Variants in CDH12 observed in about 807,000 individuals in gnomAD.
The protein encoded by CDH12 is cadherin-12.
In CDH12, 41 loss-of-function variants were observed where a neutral mutation model predicts 74.1. The ratio of observed to expected loss-of-function variants is 0.55; its 90% confidence interval spans 0.43 to 0.72. The LOEUF (loss-of-function observed/expected upper bound fraction) is 0.72, where lower values mean the gene tolerates loss of function less well. Among genes scored for constraint, CDH12 ranks in the 30% least tolerant of loss-of-function variants. The pLI, the probability that CDH12 is intolerant of heterozygous loss-of-function variation, is 0.00. For synonymous variants in CDH12, 399 were observed against 355.0 expected (o/e 1.12, Z -1.39); for missense variants, 945 against 977.2 (o/e 0.97, Z 0.44).
intron 5 of CDH12, among the ~76,000 whole-genome samples, chr5:22,022,741 T>C (rs1310832991): frequency 1.3e-5 from 2 of 152,180 alleles, no homozygotes; most frequent in African/African-American, 4.8e-5. Context: ...CTATATAACT[T>C]TGATTTAATT....
chr5:22,017,445 C>T (rs557499334), intron 5 of CDH12, among the ~76,000 whole-genome samples: 177 of 152,230 alleles, frequency 1.2e-3, no homozygotes, highest in African/African-American at 4.2e-3. Flanking sequence ...AATCCAGCTG[C>T]TAAGGGAATT....
At chr5:22,312,380 C>T (rs1012909838) in intron 3 of CDH12, among the ~76,000 whole-genome samples, 2 of 152,072 alleles carry the variant, frequency 1.3e-5, no homozygotes, top group African/African-American at 4.8e-5. Context: ...TTAGATAACT[C>T]TCGAAAAATG....
At chr5:21,942,345 TATAC>T (rs762318626) in intron 6 of CDH12, among the ~76,000 whole-genome samples, 1,438 of 99,032 alleles carry the variant, frequency 0.015, 13 homozygotes, top group East Asian at 0.049. Context: ...TATATATATA[TATAC>T]ACACACACAC....
At chr5:22,207,467 G>A (rs1378188534) in intron 4 of CDH12, among the ~76,000 whole-genome samples, 2 of 152,122 alleles carry the variant, frequency 1.3e-5, no homozygotes, top group African/African-American at 4.8e-5. Context: ...AGCTGTGGCT[G>A]TATTCCAACC....
At chr5:22,756,098 GAAAAAAAAA>G (rs60067455) in intron 1 of CDH12, among the ~76,000 whole-genome samples, 1 of 87,338 alleles carries the variant, frequency 1.1e-5, no homozygotes, top group Non-Finnish European at 2.2e-5. Context: ...TTCAAGGACC[GAAAAAAAAA>G]AAAAAAAAAA....
intron 1 of CDH12, among the ~76,000 whole-genome samples, chr5:22,529,178 TATATATATATAGAGAG>T (rs1347644425): frequency 2.4e-5 from 2 of 81,746 alleles, no homozygotes; most frequent in Non-Finnish European, 4.9e-5. Context: ...TATATATATA[TATATATATATAGAGAG>T]AGAGAGAGAG....
intron 2 of CDH12, among the ~76,000 whole-genome samples, chr5:22,485,056 A>G (rs1186945753): frequency 6.6e-6 from 1 of 152,208 alleles, no homozygotes; most frequent in Non-Finnish European, 1.5e-5. Context: ...GAAAATTTCT[A>G]TGTACTTCTA....
chr5:21,857,288 G>C (rs1214591087), intron 6 of CDH12, among the ~76,000 whole-genome samples: 1 of 151,814 alleles, frequency 6.6e-6, no homozygotes, highest in East Asian at 1.9e-4. Flanking sequence ...CTGGTATGTA[G>C]CAGTGAGCTT....
At chr5:22,691,834 A>G (rs1209676179) in intron 1 of CDH12, among the ~76,000 whole-genome samples, 3 of 152,220 alleles carry the variant, frequency 2.0e-5, no homozygotes, top group Non-Finnish European at 4.4e-5. Context: ...TTCATTAAAT[A>G]TTAGTAAAAA....
chr5:22,660,730 T>C (rs892466130), intron 1 of CDH12, among the ~76,000 whole-genome samples: 3 of 152,234 alleles, frequency 2.0e-5, no homozygotes, highest in Admixed American at 6.5e-5. Flanking sequence ...GTTTTATTCA[T>C]GACTTTAATT....
At position 22,420,973 on chromosome 5, in the gene CDH12, T is replaced by C. The variant is rs566685603; in HGVS notation, c.-427-15622A>G. Among the ~76,000 whole-genome samples, 3 of 152,182 alleles carry C rather than the reference T, an allele frequency of 2.0e-5. No homozygotes were observed. The South Asian group carries it at 6.2e-4, about 32-fold the overall frequency. ...GCAATTGTGAATGAGAGTTCATTCA[T>C]GATTTGGCTCTCTGCTTGTCTATTG... is the stretch of plus-strand genomic sequence containing the variant. On this transcript the variant is annotated intron_variant, in intron 2 of 14. Transcript: ENST00000382254.
At chr5:22,667,051 A>T (rs1740661802) in intron 1 of CDH12, among the ~76,000 whole-genome samples, 1 of 152,176 alleles carries the variant, frequency 6.6e-6, no homozygotes, top group South Asian at 2.1e-4. Context: ...GGATCCTTGC[A>T]CACATTAGTC....
intron 1 of CDH12, among the ~76,000 whole-genome samples, chr5:22,569,954 T>C (rs1430712320): frequency 2.6e-5 from 4 of 152,188 alleles, no homozygotes; most frequent in Non-Finnish European, 5.9e-5. Flanking sequence ...CCTTTCCAAA[T>C]GGTTTTCAAT....
intron 1 of CDH12, among the ~76,000 whole-genome samples, chr5:22,520,715 A>G (rs994873721): frequency 2.0e-5 from 3 of 152,204 alleles, no homozygotes; most frequent in Non-Finnish European, 4.4e-5. Flanking sequence ...TGATCGTTAT[A>G]TAAAGCAAAC....
intron 6 of CDH12, among the ~76,000 whole-genome samples, chr5:21,878,570 A>AAT (rs1752058284): frequency 2.7e-5 from 2 of 72,938 alleles, no homozygotes; most frequent in Admixed American, 3.7e-4. Context: ...CTCTACCAAA[A>AAT]ATACAAAAAA....
chr5:22,684,445 G>A (rs1461532936), intron 1 of CDH12, among the ~76,000 whole-genome samples: 1 of 152,180 alleles, frequency 6.6e-6, no homozygotes, highest in Non-Finnish European at 1.5e-5. Context: ...AAATATTTGT[G>A]AGTTAAAAGG....
intron 1 of CDH12, among the ~76,000 whole-genome samples, chr5:22,537,718 T>C (rs1014770640): frequency 3.3e-5 from 5 of 152,098 alleles, no homozygotes; most frequent in African/African-American, 1.2e-4. Flanking sequence ...AAAAAAACAA[T>C]AAATACTCTT....
At position 21,950,787 on chromosome 5, in the gene CDH12, A is replaced by ATTATTC. The variant is rs1293514328; in HGVS notation, c.526+24303_526+24304insGAATAA. Among the ~76,000 whole-genome samples the ATTATTC allele has an allele frequency of 9.2e-5, 11 of 119,812 alleles. 1 individual carries two copies. The highest frequency in any genetic ancestry group is 3.8e-4 in the African/African-American group (11 of 28,608). 78.6% of individuals were successfully genotyped at this position (119,812 alleles called of 152,430 possible). On this transcript the variant is annotated intron_variant, in intron 6 of 14. Transcript: ENST00000382254. ...TATTATTATTATTATTATTATTATT[A>ATTATTC]TTATTATTATTATTTTGAGACAGAG... is the stretch of plus-strand genomic sequence containing the variant.
intron 3 of CDH12, among the ~76,000 whole-genome samples, chr5:22,327,043 G>T (rs909422623): frequency 1.3e-5 from 2 of 151,834 alleles, no homozygotes; most frequent in Non-Finnish European, 2.9e-5. Context: ...TGGCCATTTC[G>T]TTTCATAGTG....
Sources: gnomAD v4.1 joint callset for allele counts (sites outside exome capture counted in the v4.1 genomes callset) on GRCh38, gnomAD v4.1.1 for gene constraint, MANE v1.5 for transcripts, NCBI Gene and HGNC (gene_info 2026-07-23, HGNC 2026-07-21) for gene names.